Variants in IL12RB2 observed in about 807,000 individuals in gnomAD.
The protein encoded by IL12RB2 is interleukin-12 receptor subunit beta-2.
In IL12RB2, 82 loss-of-function variants were observed where a neutral mutation model predicts 89.4. The ratio of observed to expected loss-of-function variants is 0.92; its 90% confidence interval spans 0.77 to 1.10. IL12RB2 has a LOEUF of 1.10. Among genes scored for constraint, IL12RB2 ranks in the 50% least tolerant of loss-of-function variants. The pLI, the probability that IL12RB2 is intolerant of heterozygous loss-of-function variation, is 0.00. For synonymous variants in IL12RB2, 368 were observed against 370.1 expected, an observed-to-expected ratio of 0.99 and a Z score of 0.07; for missense variants, 963 against 1,031.9, an observed-to-expected ratio of 0.93 and a Z score of 0.92.
chr1:67,385,439 G>T (rs752128990), intron 14 of IL12RB2, among the ~76,000 whole-genome samples: 8 of 152,194 alleles, frequency 5.3e-5, no homozygotes, highest in Non-Finnish European at 1.2e-4. Context: ...CACATGTGGG[G>T]ATTATGGGAA....
chr1:67,341,489 T>G (rs201875510), intron 9 of IL12RB2, among the ~76,000 whole-genome samples: 11 of 5,550 alleles, frequency 2.0e-3, no homozygotes, highest in Admixed American at 2.8e-3. Context: ...AAAGAGAAAA[T>G]AGAGAAAGAG....
intron 10 of IL12RB2, among the ~76,000 whole-genome samples, chr1:67,365,871 T>G (rs965384360): frequency 6.6e-6 from 1 of 152,156 alleles, no homozygotes. Context: ...GGCCATAGGA[T>G]AGAAGGGTCA....
intron 15 of IL12RB2, among the ~76,000 whole-genome samples, chr1:67,389,115 C>A (rs1001320877): frequency 4.6e-5 from 7 of 152,146 alleles, no homozygotes; most frequent in Admixed American, 4.6e-4. Context: ...ATATAACAGC[C>A]CTGAGGTAAG....
Position 67,372,141 on chromosome 1 carries a change from CCTT to C in IL12RB2, c.1460-291_1460-289del, listed in dbSNP as rs149102022. On this transcript the variant is annotated intron_variant, in intron 11 of 16. Transcript: ENST00000674203. ...GTTGGAACTCAAATAGCTTTTGTCT[CCTT>C]CTTAATCATGGTGATCCTGTTTGTT... Among the ~76,000 whole-genome samples the C allele has an allele frequency of 8.6e-5, 13 of 151,984 alleles. 1 individual carries two copies. The highest frequency in any genetic ancestry group is 7.2e-4 in the Admixed American group (11 of 15,228).
chr1:67,324,116 A>C (rs1656955985), intron 4 of IL12RB2, among the ~76,000 whole-genome samples: 1 of 152,240 alleles, frequency 6.6e-6, no homozygotes, highest in African/African-American at 2.4e-5. Flanking sequence ...CTCAGTCACG[A>C]GTAGTGTGTG....
At chr1:67,341,088 G>A (rs141903678) in intron 9 of IL12RB2, among the ~76,000 whole-genome samples, 9 of 152,302 alleles carry the variant, frequency 5.9e-5, no homozygotes, top group African/African-American at 1.9e-4. Flanking sequence ...GATGCTTGGG[G>A]TTGGAACTGG....
At chr1:67,391,356 AGTGTGTGTGT>A (rs148773328) in intron 16 of IL12RB2, among the ~76,000 whole-genome samples, 1 of 140,558 alleles carries the variant, frequency 7.1e-6, no homozygotes. Context: ...TAATAACAGC[AGTGTGTGTGT>A]GTGTGTGTGT....
chr1:67,328,919 T>G (rs1657687526), intron 6 of IL12RB2, among the ~76,000 whole-genome samples: 1 of 152,206 alleles, frequency 6.6e-6, no homozygotes, highest in African/African-American at 2.4e-5. Flanking sequence ...ATCGGTCCAG[T>G]TGAATCAGAG....
At chr1:67,356,260 A>G (rs1243999805) in intron 10 of IL12RB2, among the ~76,000 whole-genome samples, 1 of 152,186 alleles carries the variant, frequency 6.6e-6, no homozygotes, top group African/African-American at 2.4e-5. Context: ...CCTCTGGGGA[A>G]TAGTGATGAA....
At chr1:67,346,537 C>T (rs1319019779) in intron 9 of IL12RB2, among the ~76,000 whole-genome samples, 4 of 152,006 alleles carry the variant, frequency 2.6e-5, no homozygotes, top group African/African-American at 7.3e-5. Context: ...CAGGCATGCA[C>T]CATTATGCCC....
In IL12RB2 at chr1:67,390,052, T is replaced by C. The variant is rs938027212; in HGVS notation, c.1970T>C (p.Leu657Pro). The C allele has an allele frequency of 7.5e-7, 1 of 1,340,180 alleles. No homozygotes were observed. Among genetic ancestry groups the C allele is most frequent in the South Asian group, 1.2e-5 (1 of 85,568 alleles). 83.0% of individuals were successfully genotyped at this position (1,340,180 alleles called of 1,614,324 possible). ...AGGGTGTTTGTTCTCCTAGCAGCCCTCAGACCTCAGTGGTGTAGCAGAGAA... is the reference window on the plus strand; with the variant it reads ...AGGGTGTTTGTTCTCCTAGCAGCCCCCAGACCTCAGTGGTGTAGCAGAGAA... ...QQKVFVLLAA[L>P]RPQWCSREIP... is the part of the protein sequence containing the mutation. The change falls in exon 16 of 17, where the codon CTC becomes CCC. Residue 657 changes from leucine (L) to proline (P), a missense_variant. Leu to Pro is a moderately conservative substitution (Grantham distance 98, BLOSUM62 -3). Coordinates refer to ENST00000674203, the MANE Select transcript of IL12RB2 (RefSeq NM_001374259.2).
intron 13 of IL12RB2, among the ~76,000 whole-genome samples, chr1:67,375,844 TTTC>T (rs1663909154): frequency 1.3e-5 from 2 of 151,302 alleles, no homozygotes; most frequent in Non-Finnish European, 3.0e-5. Context: ...CATTTTTCTT[TTTC>T]TTTTTTTTTT....
intron 16 of IL12RB2, among the ~76,000 whole-genome samples, chr1:67,391,737 C>T (rs1213869519): frequency 1.3e-5 from 2 of 151,592 alleles, no homozygotes; most frequent in Non-Finnish European, 2.9e-5. Context: ...TCCAGGTTCA[C>T]GCCGTTCTCC....
chr1:67,359,791 A>G (rs1465113106), intron 10 of IL12RB2, among the ~76,000 whole-genome samples: 4 of 152,182 alleles, frequency 2.6e-5, no homozygotes, highest in Non-Finnish European at 5.9e-5. Context: ...GGAAGTCATC[A>G]TTCTGTCATA....
intron 5 of IL12RB2, among the ~76,000 whole-genome samples, chr1:67,327,974 T>A (rs1174978997): frequency 6.6e-6 from 1 of 152,180 alleles, no homozygotes; most frequent in Non-Finnish European, 1.5e-5. Context: ...CCTATCTACA[T>A]GAATGTGGAA....
chr1:67,379,509 CAAAAAAAA>C (rs58494224), intron 13 of IL12RB2, among the ~76,000 whole-genome samples: 4 of 68,492 alleles, frequency 5.8e-5, no homozygotes, highest in African/African-American at 5.9e-5. Context: ...GAACCTGTCT[CAAAAAAAA>C]AAAAAAAAAA....
At chr1:67,353,211 G>A (rs1661035326) in intron 10 of IL12RB2, among the ~76,000 whole-genome samples, 1 of 152,126 alleles carries the variant, frequency 6.6e-6, no homozygotes, top group Non-Finnish European at 1.5e-5. Context: ...CATTGACATG[G>A]ACAGATACAC....
intron 9 of IL12RB2, among the ~76,000 whole-genome samples, chr1:67,344,582 G>A (rs746291413): frequency 3.3e-5 from 5 of 152,142 alleles, no homozygotes; most frequent in Admixed American, 1.3e-4. Flanking sequence ...CATGAGCAAC[G>A]GCTCTCGGCC....
At chr1:67,339,440 T>G (rs1473162427) in intron 9 of IL12RB2, among the ~76,000 whole-genome samples, 1 of 148,146 alleles carries the variant, frequency 6.8e-6, no homozygotes, top group East Asian at 2.0e-4. Context: ...TGAGCCAAGA[T>G]CATGCCACTG....
Sources: gnomAD v4.1 joint callset for allele counts (sites outside exome capture counted in the v4.1 genomes callset) on GRCh38, gnomAD v4.1.1 for gene constraint, MANE v1.5 for transcripts, NCBI Gene and HGNC (gene_info 2026-07-23, HGNC 2026-07-21) for gene names.